Variants in GPC4 observed in about 807,000 individuals in gnomAD.
The protein encoded by GPC4 is glypican 4, also known as glypican-4.
Under a neutral mutation model 35.0 loss-of-function variants are expected in GPC4, and 10 were observed. The observed-to-expected ratio is 0.29, with a 90% CI of 0.18 to 0.48. GPC4 has a LOEUF of 0.48. Among genes scored for constraint, GPC4 ranks in the 20% least tolerant of loss-of-function variants. The probability of loss-of-function intolerance (pLI) is 0.99; values close to 1 mark genes in which losing one functional copy is unlikely to be tolerated. For missense variants in GPC4, 322 were observed against 451.3 expected (o/e 0.71, Z 2.60); for synonymous variants, 167 against 170.2 (o/e 0.98, Z 0.15).
intron 4 of GPC4, among the ~76,000 whole-genome samples, chrX:133,310,043 T>C (rs1427416563): frequency 9.0e-6 from 1 of 111,605 alleles, no homozygotes; most frequent in African/African-American, 3.3e-5. Context: ...TCACATCTTT[T>C]TTTATCCCCC....
chrX:133,343,344 G>A (rs921811210), intron 1 of GPC4, among the ~76,000 whole-genome samples: 18 of 111,026 alleles, frequency 1.6e-4, no homozygotes, highest in African/African-American at 5.9e-4. Flanking sequence ...TTCATGTATC[G>A]CTTCTAGTCC....
intron 1 of GPC4, among the ~76,000 whole-genome samples, chrX:133,349,840 C>T (rs1438583317): frequency 9.0e-6 from 1 of 111,306 alleles, no homozygotes; most frequent in East Asian, 2.8e-4. Context: ...AGGCTGGTCT[C>T]GAACTCCTGG....
At chrX:133,358,537 G>A (rs1191869599) in intron 1 of GPC4, among the ~76,000 whole-genome samples, 5 of 112,178 alleles carry the variant, frequency 4.5e-5, no homozygotes, top group African/African-American at 1.6e-4. Context: ...AATAAAGGCA[G>A]ATGCTTTGGA....
At chrX:133,398,417 A>G (rs1260884528) in intron 1 of GPC4, among the ~76,000 whole-genome samples, 1 of 111,776 alleles carries the variant, frequency 8.9e-6, no homozygotes, top group Admixed American at 9.5e-5. Context: ...GTCTCTATAC[A>G]TACCCCAGCC....
chrX:133,318,395 C>A (rs1374885845), intron 3 of GPC4, among the ~76,000 whole-genome samples: 1 of 111,988 alleles, frequency 8.9e-6, no homozygotes, highest in African/African-American at 3.3e-5. Flanking sequence ...GAATGCAACA[C>A]GGGGAAGGCA....
At chrX:133,322,516 C>T (rs1027540006) in intron 3 of GPC4, among the ~76,000 whole-genome samples, 1 of 105,885 alleles carries the variant, frequency 9.4e-6, no homozygotes, top group East Asian at 3.0e-4. Flanking sequence ...GCGGAGATCT[C>T]GCCACTGCAC....
At chrX:133,354,863 C>A (rs990152910) in intron 1 of GPC4, among the ~76,000 whole-genome samples, 2 of 111,865 alleles carry the variant, frequency 1.8e-5, no homozygotes, top group South Asian at 7.4e-4. Context: ...CCACCGCGCC[C>A]GGCCATGTTT....
intron 1 of GPC4, among the ~76,000 whole-genome samples, chrX:133,376,986 T>A (rs1287022168): frequency 8.9e-6 from 1 of 111,965 alleles, no homozygotes; most frequent in East Asian, 2.8e-4. Context: ...TTTGTTCTTC[T>A]TTTTCCACTC....
At chrX:133,322,518 C>T (rs2068370752) in intron 3 of GPC4, among the ~76,000 whole-genome samples, 1 of 106,259 alleles carries the variant, frequency 9.4e-6, no homozygotes, top group Admixed American at 1.0e-4. Flanking sequence ...GGAGATCTCG[C>T]CACTGCACTC....
At chrX:133,321,683 T>C (rs1469449898) in intron 3 of GPC4, among the ~76,000 whole-genome samples, 1 of 111,805 alleles carries the variant, frequency 8.9e-6, no homozygotes, top group Admixed American at 9.5e-5. Flanking sequence ...ATAACTTTGA[T>C]CTGATTCACT....
chrX:133,362,520 G>A (rs1021140938), intron 1 of GPC4, among the ~76,000 whole-genome samples: 1 of 111,944 alleles, frequency 8.9e-6, no homozygotes, highest in Admixed American at 9.5e-5. Context: ...AAATGGACAT[G>A]TGTGTGGTCA....
Position 133,325,887 on chromosome X carries a change from T to C in GPC4, c.320-1351A>G, listed in dbSNP as rs920965150. Among the ~76,000 whole-genome samples the C allele has an allele frequency of 4.5e-5, 5 of 111,751 alleles. No individual in the cohort carries two copies. In the East Asian group the frequency reaches 8.5e-4, roughly 19 times the overall value. On this transcript the variant is annotated intron_variant, in intron 2 of 8. Transcript: ENST00000370828. ...GCAGGGAGATGTATGTGTGTGACTCTCCTGACATGCCAAGAGATTCTATAC... is the reference window on the plus strand; with the variant it reads ...GCAGGGAGATGTATGTGTGTGACTCCCCTGACATGCCAAGAGATTCTATAC...
chrX:133,350,729 C>A (rs771778231), intron 1 of GPC4, among the ~76,000 whole-genome samples: 1 of 112,021 alleles, frequency 8.9e-6, no homozygotes, highest in Non-Finnish European at 1.9e-5. Flanking sequence ...AGTTAAGTTA[C>A]GGCTTACTCT....
chrX:133,308,130 T>C (rs1032757313), intron 4 of GPC4, among the ~76,000 whole-genome samples: 4 of 112,246 alleles, frequency 3.6e-5, no homozygotes, highest in Admixed American at 9.4e-5. Flanking sequence ...TGGCTATCAA[T>C]TGGCTCTTCT....
At chrX:133,342,152 T>C (rs764994768) in intron 1 of GPC4, among the ~76,000 whole-genome samples, 1 of 105,888 alleles carries the variant, frequency 9.4e-6, no homozygotes, top group Admixed American at 1.0e-4. Flanking sequence ...TTCTCGTGCC[T>C]CAGCCTCCCA....
At chrX:133,337,739 A>G (rs2068450482) in intron 2 of GPC4, among the ~76,000 whole-genome samples, 1 of 111,145 alleles carries the variant, frequency 9.0e-6, no homozygotes, top group Non-Finnish European at 1.9e-5. Flanking sequence ...GGAAAACACC[A>G]TTCTTTTCAA....
intron 1 of GPC4, among the ~76,000 whole-genome samples, chrX:133,413,025 T>C (rs968599276): frequency 6.2e-5 from 7 of 112,785 alleles, no homozygotes; most frequent in African/African-American, 2.3e-4. Context: ...AACTGTAACC[T>C]TCACGCCAAT....
chrX:133,358,917 T>C (rs1434503953), intron 1 of GPC4, among the ~76,000 whole-genome samples: 1 of 110,202 alleles, frequency 9.1e-6, no homozygotes, highest in African/African-American at 3.3e-5. Context: ...AAAAAAAAAA[T>C]CATCAGCATA....
intron 1 of GPC4, among the ~76,000 whole-genome samples, chrX:133,367,193 G>A (rs934594679): frequency 1.8e-5 from 2 of 111,708 alleles, no homozygotes; most frequent in African/African-American, 6.5e-5. Context: ...TGTTCAAAAC[G>A]CCAAGAACTC....
Sources: gnomAD v4.1 joint callset for allele counts (sites outside exome capture counted in the v4.1 genomes callset) on GRCh38, gnomAD v4.1.1 for gene constraint, MANE v1.5 for transcripts, NCBI Gene and HGNC (gene_info 2026-07-23, HGNC 2026-07-21) for gene names.